The following AAK1 variants were observed in gnomAD, a reference collection of about 807,000 sequenced individuals.
AAK1 encodes the protein AP2-associated protein kinase 1.
In AAK1, 37 loss-of-function variants were observed where a neutral mutation model predicts 116.0. The ratio of observed to expected loss-of-function variants is 0.32; its 90% confidence interval spans 0.25 to 0.42. The LOEUF (loss-of-function observed/expected upper bound fraction) is 0.42. Ranked by LOEUF, AAK1 falls within the 10% of genes least tolerant of loss-of-function variation. The probability of loss-of-function intolerance (pLI) is 1.00; values close to 1 mark genes in which losing one functional copy is unlikely to be tolerated. For synonymous variants in AAK1, 458 were observed against 439.9 expected, an observed-to-expected ratio of 1.04 and a Z score of -0.51; for missense variants, 919 against 1,170.6, an observed-to-expected ratio of 0.79 and a Z score of 3.14.
intron 4 of AAK1, among the ~76,000 whole-genome samples, chr2:69,543,769 C>T (rs1670818859): frequency 6.6e-6 from 1 of 152,130 alleles, no homozygotes; most frequent in Non-Finnish European, 1.5e-5. Context: ...CAAAACACAG[C>T]ACCAAACAGT....
rs561041215 is a variant in AAK1, at chr2:69,556,226, C to T, written c.282+634G>A. Reference sequence around the variant, plus strand: ...GAACATTTCCACGGCCTAGAAAGTCCCCGTATACCCATTTCTAGTCAACTT... The same window carrying T: ...GAACATTTCCACGGCCTAGAAAGTCTCCGTATACCCATTTCTAGTCAACTT... On this transcript the variant is annotated intron_variant, in intron 3 of 21. Coordinates refer to ENST00000409085, the MANE Select transcript of AAK1 (RefSeq NM_014911.5). Among the ~76,000 whole-genome samples, 37 of 152,176 alleles carry T rather than the reference C, an allele frequency of 2.4e-4. 1 individual carries two copies. The South Asian group carries it at 7.7e-3, about 32-fold the overall frequency.
chr2:69,525,822 C>A (rs1669997901), intron 9 of AAK1, among the ~76,000 whole-genome samples: 1 of 152,036 alleles, frequency 6.6e-6, no homozygotes, highest in Non-Finnish European at 1.5e-5. Flanking sequence ...AGCTACCAAT[C>A]TGAATGCTTC....
At chr2:69,595,350 A>G (rs1245752734) in intron 2 of AAK1, among the ~76,000 whole-genome samples, 2 of 152,164 alleles carry the variant, frequency 1.3e-5, no homozygotes, top group Admixed American at 1.3e-4. Flanking sequence ...TCATGACCTC[A>G]AGTGATCCGT....
chr2:69,621,302 T>G (rs1277453475), intron 2 of AAK1, among the ~76,000 whole-genome samples: 2 of 152,084 alleles, frequency 1.3e-5, no homozygotes, highest in African/African-American at 4.8e-5. Context: ...ATGGTGAAAC[T>G]CTGTCTCTAA....
chr2:69,527,402 C>G, intron 8 of AAK1, 83 bp from the exon 9 acceptor site: 1 of 917,722 alleles, frequency 1.1e-6, no homozygotes, highest in South Asian at 1.5e-5. Flanking sequence ...TCTCTACTCC[C>G]AATGTTTTGT....
At chr2:69,599,023 T>C (rs763952411) in intron 2 of AAK1, 8 of 301,260 alleles carry the variant, frequency 2.7e-5, no homozygotes, top group Non-Finnish European at 5.2e-5. Flanking sequence ...TTGTAGAAAA[T>C]TCATGGGGAG....
chr2:69,641,987 G>C (rs545177215), intron 2 of AAK1, among the ~76,000 whole-genome samples: 2 of 152,240 alleles, frequency 1.3e-5, no homozygotes, highest in South Asian at 4.1e-4. Flanking sequence ...GAAGGGCTGT[G>C]AAAAGTATGA....
intron 2 of AAK1, 48 bp downstream of exon 2, chr2:69,642,830 C>T (rs751819192): frequency 6.2e-7 from 1 of 1,611,182 alleles, no homozygotes. Flanking sequence ...ACAGTATTGC[C>T]GCATCAGCAC....
chr2:69,499,191 C>T (rs935056815), intron 16 of AAK1, among the ~76,000 whole-genome samples: 1 of 152,172 alleles, frequency 6.6e-6, no homozygotes, highest in Admixed American at 6.5e-5. Context: ...CACCTCCAAC[C>T]CCCACTGACA....
chr2:69,638,370 A>C (rs967045680), intron 2 of AAK1, among the ~76,000 whole-genome samples: 8 of 152,020 alleles, frequency 5.3e-5, no homozygotes, highest in African/African-American at 1.9e-4. Context: ...CTAGCCTCTT[A>C]TCAAACCTTC....
At chr2:69,589,432 G>A (rs1672930637) in intron 2 of AAK1, among the ~76,000 whole-genome samples, 1 of 152,138 alleles carries the variant, frequency 6.6e-6, no homozygotes, top group South Asian at 2.1e-4. Flanking sequence ...ATTGGGGCCA[G>A]GCACAGTGGC....
intron 2 of AAK1, among the ~76,000 whole-genome samples, chr2:69,613,758 G>A (rs1008863991): frequency 2.0e-5 from 3 of 152,112 alleles, no homozygotes; most frequent in African/African-American, 4.8e-5. Context: ...CTTGTCCTAG[G>A]TAGCTCTTAC....
At chr2:69,632,025 A>G (rs1008998663) in intron 2 of AAK1, among the ~76,000 whole-genome samples, 34 of 152,302 alleles carry the variant, frequency 2.2e-4, no homozygotes, top group East Asian at 1.5e-3. Context: ...ATCAATAATA[A>G]TAAAAACAAA....
chr2:69,639,961 T>G (rs2105274782), intron 2 of AAK1, among the ~76,000 whole-genome samples: 1 of 149,894 alleles, frequency 6.7e-6, no homozygotes, highest in African/African-American at 2.5e-5. Flanking sequence ...GGAAAGGAAT[T>G]GCTTCAGATT....
In AAK1 at chr2:69,471,140, G is replaced by A. The variant is rs1674663899; in HGVS notation, c.*4729C>T. ...CACATGACAAAGGAGAGTGCAATAGGGCAGAGTAGAATACTCACAGGAAAA... is the reference window on the plus strand; with the variant it reads ...CACATGACAAAGGAGAGTGCAATAGAGCAGAGTAGAATACTCACAGGAAAA... On this transcript the variant is annotated 3_prime_UTR_variant, in exon 22 of 22. Transcript: ENST00000409085. 1 of 985,482 alleles carries A rather than the reference G, an allele frequency of 1.0e-6. No individual in the cohort carries two copies. Among genetic ancestry groups the A allele is most frequent in the Non-Finnish European group, 1.2e-6 (1 of 829,918 alleles). The allele number at this position is 985,482 out of a possible 1,614,324, so 61.0% of individuals were successfully genotyped here.
At chr2:69,525,005 G>C in intron 10 of AAK1, 28 bp downstream of exon 10, 1 of 1,601,342 alleles carries the variant, frequency 6.2e-7, no homozygotes, top group Non-Finnish European at 8.6e-7. Flanking sequence ...ATCCAAGGAG[G>C]ACATGTGTTC....
chr2:69,628,212 G>A (rs1175442365), intron 2 of AAK1, among the ~76,000 whole-genome samples: 2 of 152,136 alleles, frequency 1.3e-5, no homozygotes, highest in Admixed American at 1.3e-4. Flanking sequence ...TTGGGAGGCC[G>A]AGGTGGGAGG....
At chr2:69,525,227 C>T (rs1418282045) in intron 9 of AAK1, 115 bp from the exon 10 acceptor site, 2 of 1,013,932 alleles carry the variant, frequency 2.0e-6, no homozygotes, top group African/African-American at 3.2e-5. Flanking sequence ...TTGGGATCTT[C>T]TGGAGCAGCT....
chr2:69,631,129 C>T (rs546386902), intron 2 of AAK1, among the ~76,000 whole-genome samples: 1 of 152,338 alleles, frequency 6.6e-6, no homozygotes, highest in South Asian at 2.1e-4. Flanking sequence ...CCCAGTCCTC[C>T]AGGAAGGACC....
Sources: gnomAD v4.1 joint callset for allele counts (sites outside exome capture counted in the v4.1 genomes callset) on GRCh38, gnomAD v4.1.1 for gene constraint, MANE v1.5 for transcripts, NCBI Gene and HGNC (gene_info 2026-07-23, HGNC 2026-07-21) for gene names.